ZMAT4: variants seen among roughly 807,000 people sequenced by gnomAD.
ZMAT4 encodes the protein zinc finger matrin-type protein 4.
Under a neutral mutation model 28.7 loss-of-function variants are expected in ZMAT4, and 17 were observed. The observed-to-expected ratio is 0.59, with a 90% CI of 0.41 to 0.89. ZMAT4 has a LOEUF of 0.89. ZMAT4 is among the 40% of genes least tolerant of loss of function. The probability of loss-of-function intolerance (pLI) is 0.00; values close to 1 mark genes in which losing one functional copy is unlikely to be tolerated. For synonymous variants in ZMAT4, 117 were observed against 109.2 expected (o/e 1.07, Z -0.44); for missense variants, 240 against 283.8 (o/e 0.85, Z 1.11).
intron 5 of ZMAT4, among the ~76,000 whole-genome samples, chr8:40,647,810 G>T (rs901481161): frequency 1.2e-4 from 19 of 152,228 alleles, no homozygotes; most frequent in African/African-American, 3.1e-4. Context: ...CCCCAAGCAG[G>T]GGCACACTGA....
intron 5 of ZMAT4, among the ~76,000 whole-genome samples, chr8:40,672,059 TG>T (rs1808695166): frequency 2.0e-5 from 3 of 152,092 alleles, no homozygotes; most frequent in Non-Finnish European, 2.9e-5. Flanking sequence ...GCTTTTAAGA[TG>T]CTAATAATCT....
intron 5 of ZMAT4, among the ~76,000 whole-genome samples, chr8:40,583,227 C>G (rs1804551714): frequency 6.6e-6 from 1 of 152,114 alleles, no homozygotes; most frequent in South Asian, 2.1e-4. Flanking sequence ...CCTGCAAGAT[C>G]CAAATGGCTA....
At position 40,704,819 on chromosome 8, in the gene ZMAT4, AG is replaced by A. The variant is rs1337885972; in HGVS notation, c.193-7419del. Among the ~76,000 whole-genome samples the A allele has an allele frequency of 2.6e-5, 4 of 152,170 alleles. No homozygotes were observed. In the East Asian group the frequency reaches 7.7e-4, roughly 29 times the overall value. On this transcript the variant is annotated intron_variant, in intron 3 of 6. Coordinates refer to ENST00000297737, the MANE Select transcript of ZMAT4 (RefSeq NM_024645.3). The stretch of plus-strand genomic sequence containing the variant: ...AATATGACTGCTTTGTCTTAGGAAA[AG>A]GCCAATTGGCATAAAGTGGCATCAT...
At chr8:40,655,621 T>C (rs1388123688) in intron 5 of ZMAT4, among the ~76,000 whole-genome samples, 1 of 151,466 alleles carries the variant, frequency 6.6e-6, no homozygotes, top group African/African-American at 2.4e-5. Context: ...TATGAATTAA[T>C]GGAATAGAAT....
chr8:40,825,774 G>T, intron 1 of ZMAT4, 94 bp from the exon 2 acceptor site: 1 of 980,880 alleles, frequency 1.0e-6, no homozygotes, highest in Non-Finnish European at 1.5e-6. Context: ...CACAGTAACA[G>T]GTCTGACAAT....
intron 6 of ZMAT4, among the ~76,000 whole-genome samples, chr8:40,568,710 A>G (rs1804001197): frequency 6.6e-6 from 1 of 152,182 alleles, no homozygotes; most frequent in South Asian, 2.1e-4. Context: ...AGATATGGAA[A>G]CTAAGCCATA....
intron 3 of ZMAT4, among the ~76,000 whole-genome samples, chr8:40,734,100 A>G (rs1811655246): frequency 6.6e-6 from 1 of 152,208 alleles, no homozygotes; most frequent in South Asian, 2.1e-4. Flanking sequence ...AAGATGAACA[A>G]TGCTTAACAG....
intron 4 of ZMAT4, among the ~76,000 whole-genome samples, chr8:40,689,269 T>C (rs975711444): frequency 5.9e-5 from 9 of 152,082 alleles, no homozygotes; most frequent in African/African-American, 2.2e-4. Flanking sequence ...GTAGCCAGAG[T>C]CCACAGGTGG....
intron 2 of ZMAT4, among the ~76,000 whole-genome samples, chr8:40,821,851 T>A (rs905913285): frequency 3.4e-4 from 52 of 152,296 alleles, no homozygotes; most frequent in African/African-American, 1.2e-3. Flanking sequence ...CCTAACACAA[T>A]GATGCCAGGG....
rs57458575 is a variant in ZMAT4, at chr8:40,833,540, C to CAA, written c.-4-7862_-4-7861dup. Among the ~76,000 whole-genome samples the CAA allele has an allele frequency of 1.5e-3, 132 of 87,072 alleles. 4 individuals are homozygous for CAA. The highest frequency in any genetic ancestry group is 3.3e-3 in the East Asian group (10 of 2,986). The allele number at this position is 87,072 out of a possible 152,430, so 57.1% of individuals were successfully genotyped here. On this transcript the variant is annotated intron_variant, in intron 1 of 6. Transcript: ENST00000297737. Reference sequence around the variant, plus strand: ...CCGAGATCATACCACTACACTCCAGCAAAAAAAAAAAAAAAAAAGACATGA... The same window carrying CAA: ...CCGAGATCATACCACTACACTCCAGCAAAAAAAAAAAAAAAAAAAAGACATGA...
At chr8:40,640,108 C>T (rs907664295) in intron 5 of ZMAT4, among the ~76,000 whole-genome samples, 2 of 152,128 alleles carry the variant, frequency 1.3e-5, no homozygotes, top group African/African-American at 4.8e-5. Context: ...TCCTGGATAG[C>T]TTGGACTACA....
Position 40,675,629 on chromosome 8 carries a change from C to T in ZMAT4, c.350-698G>A, listed in dbSNP as rs190222516. ...TGGACAGTCATGACTTAAAAGATTC[C>T]GAATGAATGAATTGGACGTTTGTGT... On this transcript the variant is annotated intron_variant, in intron 4 of 6. Transcript: ENST00000297737. Among the ~76,000 whole-genome samples the T allele has an allele frequency of 3.8e-3, 584 of 152,034 alleles. 2 individuals carry two copies. Among genetic ancestry groups the T allele is most frequent in the Non-Finnish European group, 5.1e-3 (347 of 67,976 alleles).
intron 2 of ZMAT4, among the ~76,000 whole-genome samples, chr8:40,777,759 G>A (rs766082926): frequency 1.2e-4 from 19 of 152,202 alleles, no homozygotes; most frequent in Non-Finnish European, 2.2e-4. Flanking sequence ...GAATGACAAG[G>A]CAGGCAGGGC....
intron 5 of ZMAT4, among the ~76,000 whole-genome samples, chr8:40,638,809 C>G (rs1440227882): frequency 6.6e-6 from 1 of 152,132 alleles, no homozygotes; most frequent in South Asian, 2.1e-4. Context: ...AATAGAGAAT[C>G]CTGTGTAAAT....
At chr8:40,850,082 G>A (rs913722298) in intron 1 of ZMAT4, among the ~76,000 whole-genome samples, 1 of 152,124 alleles carries the variant, frequency 6.6e-6, no homozygotes, top group African/African-American at 2.4e-5. Context: ...TCCTCAGGCA[G>A]CACACCCAAG....
intron 2 of ZMAT4, among the ~76,000 whole-genome samples, chr8:40,823,620 C>T (rs1351963234): frequency 1.3e-5 from 2 of 152,100 alleles, no homozygotes; most frequent in Non-Finnish European, 2.9e-5. Context: ...GATCGTGCCA[C>T]CACACTCCAG....
At chr8:40,772,448 T>C (rs1813422875) in intron 2 of ZMAT4, among the ~76,000 whole-genome samples, 1 of 152,246 alleles carries the variant, frequency 6.6e-6, no homozygotes, top group African/African-American at 2.4e-5. Context: ...TTGCCTCACC[T>C]AAATAACCAT....
intron 4 of ZMAT4, among the ~76,000 whole-genome samples, chr8:40,688,160 T>TAATAA (rs1809499064): frequency 6.6e-6 from 1 of 152,004 alleles, no homozygotes; most frequent in South Asian, 2.1e-4. Context: ...ACAACAAATT[T>TAATAA]AATAAAATAA....
rs1341556476 is a variant in ZMAT4 at position 40,806,144 on chromosome 8, T to C, written c.102+19431A>G. Reference sequence around the variant, plus strand: ...CCAAAACGGTAAAGGTCTAAAAGAATTTGTAGAATGTCAAAGTTATACCCA... The same window carrying C: ...CCAAAACGGTAAAGGTCTAAAAGAACTTGTAGAATGTCAAAGTTATACCCA... On this transcript the variant is annotated intron_variant, in intron 2 of 6. Transcript: ENST00000297737. Among the ~76,000 whole-genome samples, 4 of 152,178 alleles carry C rather than the reference T, an allele frequency of 2.6e-5. No homozygotes were observed. The East Asian group carries it at 7.7e-4, about 29-fold the overall frequency.
Sources: gnomAD v4.1 joint callset for allele counts (sites outside exome capture counted in the v4.1 genomes callset) on GRCh38, gnomAD v4.1.1 for gene constraint, MANE v1.5 for transcripts, NCBI Gene and HGNC (gene_info 2026-07-23, HGNC 2026-07-21) for gene names.